Variants in SLC9A8 observed in about 807,000 individuals in gnomAD.
SLC9A8 encodes solute carrier family 9 member A8.
SLC9A8 carries 48 observed loss-of-function variants against 66.6 expected under a neutral mutation model. That is an observed-to-expected ratio of 0.72 (90% CI 0.57 to 0.92). The LOEUF (loss-of-function observed/expected upper bound fraction) is 0.92, where lower values mean the gene tolerates loss of function less well. SLC9A8 is among the 40% of genes least tolerant of loss of function. The pLI, the probability that SLC9A8 is intolerant of heterozygous loss-of-function variation, is 0.00. For synonymous variants in SLC9A8, 274 were observed against 282.6 expected (o/e 0.97, Z 0.31); for missense variants, 599 against 747.3 (o/e 0.80, Z 2.31).
chr20:49,867,616 A>C (rs1291691431), intron 10 of SLC9A8, among the ~76,000 whole-genome samples: 6 of 152,208 alleles, frequency 3.9e-5, no homozygotes, highest in Non-Finnish European at 8.8e-5. Flanking sequence ...TCCCCGACTC[A>C]ACAGGACAGC....
chr20:49,872,594 C>A (rs961598161), intron 10 of SLC9A8, among the ~76,000 whole-genome samples: 1 of 152,068 alleles, frequency 6.6e-6, no homozygotes, highest in African/African-American at 2.4e-5. Flanking sequence ...TTAAGCAGTT[C>A]TCTGCCTCAG....
chr20:49,852,930 C>T (rs959503928), intron 7 of SLC9A8, among the ~76,000 whole-genome samples: 8 of 152,010 alleles, frequency 5.3e-5, no homozygotes, highest in Non-Finnish European at 1.0e-4. Context: ...GAGGTCCTGA[C>T]GACATGTACC....
intron 14 of SLC9A8, 51 bp downstream of exon 14, chr20:49,884,117 A>C (rs771527351): frequency 1.3e-6 from 2 of 1,536,084 alleles, no homozygotes; most frequent in South Asian, 2.2e-5. Flanking sequence ...CCTGCTACGC[A>C]GCTGGTGGTC....
Position 49,815,110 on chromosome 20 carries a change from C to T in SLC9A8, c.129C>T (p.Leu43=). 3.7e-6 allele frequency: 6 copies of T among 1,609,480 alleles called. 1 individual carries two copies. The highest frequency in any genetic ancestry group is 3.3e-5 in the South Asian group (3 of 90,048). Residue 43 remains leucine, a synonymous_variant, in exon 2 of 16, where the codon CTC becomes CTT. Coordinates refer to ENST00000361573, the MANE Select transcript of SLC9A8 (RefSeq NM_015266.3). ...LVLPTPGKPI[L]PVQTGEQAQQ... ...TCCCGACCCCTGGCAAGCCCATCCT[C>T]CCCGTGCAGACAGGGGAGCAGGCCC...
At chr20:49,866,171 T>C (rs943154147) in intron 10 of SLC9A8, among the ~76,000 whole-genome samples, 5 of 152,232 alleles carry the variant, frequency 3.3e-5, no homozygotes, top group Non-Finnish European at 5.9e-5. Context: ...GTCATTGTAG[T>C]TTAAATGAAA....
chr20:49,847,695 A>G (rs2088056836), intron 5 of SLC9A8, among the ~76,000 whole-genome samples: 1 of 152,204 alleles, frequency 6.6e-6, no homozygotes, highest in African/African-American at 2.4e-5. Flanking sequence ...CTAGGCAGCA[A>G]CTGGTTCTTT....
intron 1 of SLC9A8, among the ~76,000 whole-genome samples, chr20:49,814,251 C>T (rs1363353893): frequency 2.0e-5 from 3 of 152,130 alleles, no homozygotes; most frequent in Non-Finnish European, 4.4e-5. Flanking sequence ...TTTGCAACCT[C>T]CCTGAGCCTT....
intron 3 of SLC9A8, among the ~76,000 whole-genome samples, chr20:49,836,797 A>G (rs2087554019): frequency 6.6e-6 from 1 of 152,200 alleles, no homozygotes; most frequent in Admixed American, 6.5e-5. Flanking sequence ...CATTCCCATC[A>G]GCAATGAGTG....
chr20:49,876,648 C>T (rs996352953), intron 11 of SLC9A8, among the ~76,000 whole-genome samples: 2 of 152,132 alleles, frequency 1.3e-5, no homozygotes, highest in African/African-American at 4.8e-5. Flanking sequence ...AACATTATCC[C>T]GCCAAGGGAA....
intron 15 of SLC9A8, 37 bp from the exon 16 acceptor site, chr20:49,887,791 CT>C: frequency 3.3e-6 from 5 of 1,516,162 alleles, no homozygotes; most frequent in East Asian, 2.3e-5. Context: ...GGCCCTGCCC[CT>C]GACGCCCTGA....
intron 14 of SLC9A8, among the ~76,000 whole-genome samples, chr20:49,885,016 G>A (rs1054239665): frequency 4.6e-5 from 7 of 152,150 alleles, no homozygotes; most frequent in Admixed American, 6.5e-5. Context: ...GGCCATCCAC[G>A]GCTAACACTG....
At chr20:49,817,471 T>TA (rs1344259459) in intron 2 of SLC9A8, among the ~76,000 whole-genome samples, 1 of 148,802 alleles carries the variant, frequency 6.7e-6, no homozygotes. Flanking sequence ...TTTTTTTTTT[T>TA]ATTTCTCTGA....
intron 4 of SLC9A8, among the ~76,000 whole-genome samples, chr20:49,842,455 G>C (rs2087806415): frequency 2.0e-5 from 3 of 152,220 alleles, no homozygotes; most frequent in Non-Finnish European, 4.4e-5. Flanking sequence ...AAGTAGTACA[G>C]ATGCCTGCTG....
chr20:49,831,910 C>T (rs774216500), intron 3 of SLC9A8, among the ~76,000 whole-genome samples: 2 of 152,174 alleles, frequency 1.3e-5, no homozygotes, highest in Non-Finnish European at 2.9e-5. Flanking sequence ...GCGCTTGCCC[C>T]GCCCTGGGCT....
intron 15 of SLC9A8, among the ~76,000 whole-genome samples, chr20:49,887,615 C>CT (rs1298666352): frequency 6.6e-6 from 1 of 152,174 alleles, no homozygotes; most frequent in African/African-American, 2.4e-5. Context: ...GCCATGCTCC[C>CT]TCCTCCTTTC....
Position 49,824,149 on chromosome 20 carries a change from A to T in SLC9A8, c.289+1008A>T, listed in dbSNP as rs17788617. On this transcript the variant is annotated intron_variant, in intron 3 of 15. Transcript: ENST00000361573. ...CAGATCCTGGCTTGTGAGGCTTCACATTGTCATCTATCTCATTTATGCCTT... is the reference window on the plus strand; with the variant it reads ...CAGATCCTGGCTTGTGAGGCTTCACTTTGTCATCTATCTCATTTATGCCTT... Among the ~76,000 whole-genome samples the T allele has an allele frequency of 3.5e-3, 526 of 152,324 alleles. 20 individuals carry two copies. The East Asian group carries it at 0.082, about 24-fold the overall frequency.
intron 5 of SLC9A8, among the ~76,000 whole-genome samples, chr20:49,848,530 G>T (rs1385396762): frequency 6.6e-6 from 1 of 152,168 alleles, no homozygotes. Context: ...CAAGATTCTT[G>T]TTCACAACCA....
chr20:49,836,339 C>A (rs73123873), intron 3 of SLC9A8, among the ~76,000 whole-genome samples: 29,782 of 151,904 alleles, frequency 0.2, 2,936 homozygotes, highest in Middle Eastern at 0.22. Context: ...TGGGTTCTTC[C>A]CACTTTTTTT....
chr20:49,884,252 CACACACG>C lies in SLC9A8; in HGVS notation c.1491+193_1491+199del, dbSNP rs1208652721. 9 of 320,616 alleles carry C rather than the reference CACACACG, an allele frequency of 2.8e-5. 1 individual carries two copies. Among genetic ancestry groups the C allele is most frequent in the African/African-American group, 1.8e-4 (5 of 28,196 alleles). The allele number at this position is 320,616 out of a possible 1,614,324, so 19.9% of individuals were successfully genotyped here. A position where few individuals can be genotyped will look rare whatever the true frequency, so the allele number is the denominator to read the frequency against. ...CACACACACACACACGACACACACA[CACACACG>C]ACACACACACACACGACACACACAC... On this transcript the variant is annotated intron_variant, in intron 14 of 15. Coordinates refer to ENST00000361573, the MANE Select transcript of SLC9A8 (RefSeq NM_015266.3).
Sources: allele counts gnomAD v4.1 joint callset (sites outside exome capture counted in the v4.1 genomes callset), GRCh38; gene constraint gnomAD v4.1.1; transcripts MANE v1.5; gene names NCBI Gene and HGNC (gene_info 2026-07-23, HGNC 2026-07-21).